Variants in TNRC6A observed in about 807,000 individuals in gnomAD.
TNRC6A encodes the protein trinucleotide repeat containing adaptor 6A.
Under a neutral mutation model 221.2 loss-of-function variants are expected in TNRC6A, and 44 were observed. That is an observed-to-expected ratio of 0.20 (90% CI 0.16 to 0.26). TNRC6A has a LOEUF of 0.26. Ranked by LOEUF, TNRC6A falls within the 10% of genes least tolerant of loss-of-function variation. The probability of loss-of-function intolerance (pLI) is 1.00; values close to 1 mark genes in which losing one functional copy is unlikely to be tolerated. For missense variants in TNRC6A, 2,199 were observed against 2,404.4 expected, an observed-to-expected ratio of 0.91 and a Z score of 1.79; for synonymous variants, 847 against 838.5, an observed-to-expected ratio of 1.01 and a Z score of -0.18.
intron 2 of TNRC6A, among the ~76,000 whole-genome samples, chr16:24,747,751 C>T (rs1032282099): frequency 4.6e-5 from 7 of 152,098 alleles, no homozygotes; most frequent in Admixed American, 1.3e-4. Context: ...CTTACAGTAT[C>T]GGCTGATACT....
At chr16:24,785,336 G>C (rs370627348) in intron 5 of TNRC6A, among the ~76,000 whole-genome samples, 42 of 152,258 alleles carry the variant, frequency 2.8e-4, no homozygotes, top group Middle Eastern at 6.8e-3. Context: ...ATTAAACTTA[G>C]AGCATTGTTA....
chr16:24,720,758 G>T (rs1474309348), intron 2 of TNRC6A, among the ~76,000 whole-genome samples: 3 of 150,682 alleles, frequency 2.0e-5, no homozygotes, highest in African/African-American at 7.3e-5. Context: ...AGGCTGGGCT[G>T]GGCTCAGTGG....
At position 24,616,531 on chromosome 16, in the gene TNRC6A, A is replaced by G. The variant is rs148609191; in HGVS notation, n.276+6047A>G. Among the ~76,000 whole-genome samples, 8 of 152,268 alleles carry G rather than the reference A, an allele frequency of 5.3e-5. No individual in the cohort carries two copies. The East Asian group carries it at 1.3e-3, about 26-fold the overall frequency. On this transcript the variant is annotated intron_variant and non_coding_transcript_variant, in intron 1 of 2. Transcript: ENST00000566108. ...ATTCTGTTATTTCTATCTTGACAACAGTCAGAAAATATACTCTATATGTTT... is the reference window on the plus strand; with the variant it reads ...ATTCTGTTATTTCTATCTTGACAACGGTCAGAAAATATACTCTATATGTTT...
At chr16:24,618,056 C>A (rs1340718605) in intron 1 of TNRC6A, among the ~76,000 whole-genome samples, 1 of 152,092 alleles carries the variant, frequency 6.6e-6, no homozygotes, top group African/African-American at 2.4e-5. Flanking sequence ...CGGCACCACA[C>A]CCGGCTAATT....
chr16:24,811,520 G>T (rs1309172722), intron 18 of TNRC6A, among the ~76,000 whole-genome samples: 2 of 152,136 alleles, frequency 1.3e-5, no homozygotes, highest in Non-Finnish European at 2.9e-5. Flanking sequence ...ACAGAAGTCA[G>T]GCAGGCAGAG....
chr16:24,796,237 A>G (rs2058216881), intron 9 of TNRC6A: 1 of 335,138 alleles, frequency 3.0e-6, no homozygotes, highest in East Asian at 4.8e-5. Context: ...GTGACAAGAG[A>G]TCTGGCTCTG....
chr16:24,782,066 C>A (rs1225035099), intron 5 of TNRC6A, among the ~76,000 whole-genome samples: 1 of 152,156 alleles, frequency 6.6e-6, no homozygotes, highest in Non-Finnish European at 1.5e-5. Flanking sequence ...TTGTGATCTG[C>A]CCGCCTCGGC....
At chr16:24,635,345 C>T (rs1444562904) in intron 1 of TNRC6A, among the ~76,000 whole-genome samples, 2 of 151,908 alleles carry the variant, frequency 1.3e-5, no homozygotes, top group South Asian at 4.2e-4. Flanking sequence ...TGCAGTGGCT[C>T]GATCTTGGCT....
At chr16:24,738,486 C>G (rs1446385376) in intron 2 of TNRC6A, among the ~76,000 whole-genome samples, 1 of 152,182 alleles carries the variant, frequency 6.6e-6, no homozygotes, top group South Asian at 2.1e-4. Flanking sequence ...AACCACTAAT[C>G]TACTTTCTAT....
In TNRC6A at chr16:24,618,588, G is replaced by A. The variant is rs115168566; in HGVS notation, n.276+8104G>A. Among the ~76,000 whole-genome samples, 988 of 151,534 alleles carry A rather than the reference G, an allele frequency of 6.5e-3. 12 individuals are homozygous for A. The highest frequency in any genetic ancestry group is 0.023 in the African/African-American group (951 of 41,282). On this transcript the variant is annotated intron_variant and non_coding_transcript_variant, in intron 1 of 2. Transcript: ENST00000566108. ...TTAGGGTGAAGAAGGAAAACAATGG[G>A]ACCTCTATTTATATGTATTCCTTAT...
intron 9 of TNRC6A, 44 bp from the exon 10 acceptor site, chr16:24,797,446 C>A: frequency 6.9e-7 from 1 of 1,458,616 alleles, no homozygotes; most frequent in Non-Finnish European, 9.5e-7. Flanking sequence ...CCCAGATAAA[C>A]AGAGATGGCC....
Position 24,823,019 on chromosome 16 carries a change from T to C in TNRC6A, c.5513+6T>C. On this transcript the variant is annotated splice_donor_region_variant and intron_variant, in intron 24 of 24. Coordinates refer to ENST00000395799, the MANE Select transcript of TNRC6A (RefSeq NM_014494.4). The surrounding 1 kb of genome is among the most constrained non-coding windows in gnomAD (Gnocchi z 4.3). ...GCACAAAAGTCTCTGCACATGTAAG[T>C]TGGCTGTTGGGCTCCCAGTTGGAAG... 1 of 1,614,176 alleles carries C rather than the reference T, an allele frequency of 6.2e-7. No individual in the cohort carries two copies. The highest frequency in any genetic ancestry group is 8.5e-7 in the Non-Finnish European group (1 of 1,180,018).
chr16:24,711,613 T>C (rs1262273157), intron 2 of TNRC6A, among the ~76,000 whole-genome samples: 1 of 152,152 alleles, frequency 6.6e-6, no homozygotes, highest in East Asian at 1.9e-4. Context: ...TCTGGGTTCT[T>C]TCTCTCAGTA....
chr16:24,743,721 C>T (rs909900153), intron 2 of TNRC6A, among the ~76,000 whole-genome samples: 1 of 152,170 alleles, frequency 6.6e-6, no homozygotes, highest in Non-Finnish European at 1.5e-5. Context: ...CATTTAATCA[C>T]ATTTACTTTA....
chr16:24,776,828 T>A lies in TNRC6A; in HGVS notation c.164-105T>A. The stretch of plus-strand genomic sequence containing the variant: ...ATCCCTGCTCACAGAAAGCTTCTGT[T>A]TTTTTAGGATTATTTTTCTTAGTGC... On this transcript the variant is annotated intron_variant, in intron 4 of 24. Coordinates refer to ENST00000395799, the MANE Select transcript of TNRC6A (RefSeq NM_014494.4). 9.9e-6 allele frequency: 15 copies of A among 1,514,330 alleles called. No individual in the cohort carries two copies. The South Asian group carries it at 1.9e-4, about 19-fold the overall frequency. The allele number at this position is 1,514,330 out of a possible 1,614,324, so 93.8% of individuals were successfully genotyped here. A position where few individuals can be genotyped will look rare whatever the true frequency, so the allele number is the denominator to read the frequency against.
intron 11 of TNRC6A, among the ~76,000 whole-genome samples, chr16:24,802,168 ACAG>A (rs1308582551): frequency 1.3e-5 from 2 of 152,236 alleles, no homozygotes; most frequent in Non-Finnish European, 2.9e-5. Context: ...ATCTCAAAGA[ACAG>A]CAGTTGCAAA....
intron 2 of TNRC6A, chr16:24,664,715 T>C (rs896332832): frequency 6.7e-6 from 1 of 148,310 alleles, no homozygotes; most frequent in Non-Finnish European, 1.5e-5. Flanking sequence ...AAAAATAAAG[T>C]AGGGAGAGAT....
chr16:24,701,128 G>C (rs1596515091), intron 2 of TNRC6A, among the ~76,000 whole-genome samples: 1 of 152,252 alleles, frequency 6.6e-6, no homozygotes, highest in East Asian at 1.9e-4. Flanking sequence ...GAGAGCACGA[G>C]GCTCAAAGCC....
chr16:24,750,736 C>A lies in TNRC6A; in HGVS notation c.64C>A (p.Gln22Lys). 5.9e-6 allele frequency: 9 copies of A among 1,530,034 alleles called. No homozygotes were observed. The highest frequency in any genetic ancestry group is 4.0e-5 in the South Asian group (3 of 74,532). The allele number at this position is 1,530,034 out of a possible 1,614,324, so 94.8% of individuals were successfully genotyped here. The change falls in exon 3 of 25, where the codon CAA becomes AAA. Residue 22 changes from glutamine to lysine, a missense_variant. Gln to Lys is a moderately conservative substitution (Grantham distance 53). This residue lies in a region of TNRC6A where 1,405 missense variants were observed against 1,400.2 expected (regional missense o/e 1.00). Coordinates refer to ENST00000395799, the MANE Select transcript of TNRC6A (RefSeq NM_014494.4). ...VERNLSRDLV[Q>K]EEEQLMEEKK... ...AACTGTGTGGTTCAGGGATTTAGTGCAAGAAGAAGAACAGTTGATGGAAGA... is the reference window on the plus strand; with the variant it reads ...AACTGTGTGGTTCAGGGATTTAGTGAAAGAAGAAGAACAGTTGATGGAAGA...
Sources: gnomAD v4.1 joint callset for allele counts (sites outside exome capture counted in the v4.1 genomes callset) on GRCh38, gnomAD v4.1.1 for gene constraint, gnomAD v4.1.1 regional missense constraint, Gnocchi (gnomAD v3.1) non-coding constraint, MANE v1.5 for transcripts, NCBI Gene and HGNC (gene_info 2026-07-23, HGNC 2026-07-21) for gene names.